Variants in KCNQ3 observed in about 807,000 individuals in gnomAD.
KCNQ3 encodes the protein potassium voltage-gated channel subfamily KQT member 3.
In KCNQ3, 30 loss-of-function variants were observed where a neutral mutation model predicts 92.5. The ratio of observed to expected loss-of-function variants is 0.32; its 90% confidence interval spans 0.24 to 0.44. The LOEUF is 0.44. Among genes scored for constraint, KCNQ3 ranks in the 20% least tolerant of loss-of-function variants. The pLI, the probability that KCNQ3 is intolerant of heterozygous loss-of-function variation, is 1.00. For synonymous variants in KCNQ3, 450 were observed against 468.8 expected, an observed-to-expected ratio of 0.96 and a Z score of 0.52; for missense variants, 913 against 1,140.3, an observed-to-expected ratio of 0.80 and a Z score of 2.87.
chr8:132,304,379 A>T (rs997569082), intron 1 of KCNQ3, among the ~76,000 whole-genome samples: 3 of 152,188 alleles, frequency 2.0e-5, no homozygotes, highest in Non-Finnish European at 4.4e-5. Context: ...GCCAGTGAGA[A>T]CTGGGTCCTT....
intron 1 of KCNQ3, among the ~76,000 whole-genome samples, chr8:132,189,770 G>A (rs1375418311): frequency 2.6e-5 from 4 of 151,084 alleles, no homozygotes; most frequent in South Asian, 2.1e-4. Flanking sequence ...AGGTTGCGGT[G>A]AGCCGAGATC....
chr8:132,214,210 A>G (rs1813953894), intron 1 of KCNQ3, among the ~76,000 whole-genome samples: 1 of 152,186 alleles, frequency 6.6e-6, no homozygotes, highest in Non-Finnish European at 1.5e-5. Context: ...AATAATTTCC[A>G]TAGGTCTTTT....
rs1818448895 is a variant in KCNQ3 at position 132,339,178 on chromosome 8, T to C, written c.386+140969A>G. Among the ~76,000 whole-genome samples the C allele has an allele frequency of 3.3e-5, 5 of 152,182 alleles. No homozygotes were observed. The South Asian group carries it at 1.0e-3, about 31-fold the overall frequency. On this transcript the variant is annotated intron_variant, in intron 1 of 14. Coordinates refer to ENST00000388996, the MANE Select transcript of KCNQ3 (RefSeq NM_004519.4). Reference sequence around the variant, plus strand: ...CTCTCTAGGCCTGAGGCACCTCCTCTGAACAAAGTGGGGGCTGGAACAGAG... The same window carrying C: ...CTCTCTAGGCCTGAGGCACCTCCTCCGAACAAAGTGGGGGCTGGAACAGAG...
chr8:132,306,925 A>G (rs1817444556), intron 1 of KCNQ3, among the ~76,000 whole-genome samples: 1 of 152,298 alleles, frequency 6.6e-6, no homozygotes, highest in Non-Finnish European at 1.5e-5. Context: ...CCAGATGGGA[A>G]CAGACCAAGA....
chr8:132,414,634 C>A (rs1820745638), intron 1 of KCNQ3, among the ~76,000 whole-genome samples: 3 of 152,198 alleles, frequency 2.0e-5, no homozygotes, highest in Non-Finnish European at 4.4e-5. Flanking sequence ...GAGCTTAACA[C>A]TTGATACAAT....
intron 1 of KCNQ3, among the ~76,000 whole-genome samples, chr8:132,437,679 T>A (rs1442670062): frequency 6.6e-6 from 1 of 152,224 alleles, no homozygotes; most frequent in African/African-American, 2.4e-5. Flanking sequence ...GAGCATCCTG[T>A]ATTCTCATGC....
At chr8:132,386,544 C>T (rs1819895679) in intron 1 of KCNQ3, among the ~76,000 whole-genome samples, 1 of 152,004 alleles carries the variant, frequency 6.6e-6, no homozygotes, top group East Asian at 1.9e-4. Context: ...CAAAAAAAAT[C>T]TTGAGGGATA....
rs1824775778 is a variant in KCNQ3 at position 132,129,348 on chromosome 8, A to T, written c.2533T>A (p.Phe845Ile). 1 of 1,614,208 alleles carries T rather than the reference A, an allele frequency of 6.2e-7. No individual in the cohort carries two copies. The highest frequency in any genetic ancestry group is 8.5e-7 in the Non-Finnish European group (1 of 1,180,030). ...AGAGGCATGGAGCCGCTGGGCGTGAAGGGGTCCGTGTCTGTGTCCGTCTCA... is the reference window on the plus strand; with the variant it reads ...AGAGGCATGGAGCCGCTGGGCGTGATGGGGTCCGTGTCTGTGTCCGTCTCA... The part of the protein sequence containing the change: ...EGETDTDTDP[F>I]TPSGSMPLSS... Residue 845 changes from phenylalanine to isoleucine, a missense_variant, in exon 15 of 15, where the codon TTC (phenylalanine) becomes ATC (isoleucine). Phe to Ile is a conservative substitution (Grantham distance 21). This residue lies in a region of KCNQ3 where 375 missense variants were observed against 376.4 expected (regional missense o/e 1.00). Coordinates refer to ENST00000388996, the MANE Select transcript of KCNQ3 (RefSeq NM_004519.4). The surrounding 1 kb of genome is among the most constrained non-coding windows in gnomAD (Gnocchi z 5.9).
chr8:132,427,201 G>A (rs1400423987), intron 1 of KCNQ3, among the ~76,000 whole-genome samples: 5 of 152,236 alleles, frequency 3.3e-5, no homozygotes, highest in Non-Finnish European at 5.9e-5. Context: ...TGTGGGCCAA[G>A]ACAGCAGGCT....
intron 1 of KCNQ3, among the ~76,000 whole-genome samples, chr8:132,458,289 T>C (rs1306435044): frequency 2.0e-5 from 3 of 152,200 alleles, no homozygotes; most frequent in African/African-American, 7.2e-5. Context: ...AATAAACACC[T>C]TCCCATCATA....
intron 1 of KCNQ3, among the ~76,000 whole-genome samples, chr8:132,231,797 A>C (rs375115609): frequency 6.6e-6 from 1 of 152,238 alleles, no homozygotes; most frequent in African/African-American, 2.4e-5. Context: ...CATGCTTTGC[A>C]TGATGGCTCT....
chr8:132,453,859 T>C (rs72721085), intron 1 of KCNQ3, among the ~76,000 whole-genome samples: 1 of 152,158 alleles, frequency 6.6e-6, no homozygotes, highest in South Asian at 2.1e-4. Flanking sequence ...AGCAAGCGCC[T>C]GCCAGAAGCG....
intron 8 of KCNQ3, among the ~76,000 whole-genome samples, chr8:132,165,599 G>A (rs1006662739): frequency 2.6e-5 from 4 of 152,136 alleles, no homozygotes; most frequent in African/African-American, 9.7e-5. Context: ...ATTTTACTCA[G>A]TTTGACCATC....
intron 2 of KCNQ3, 53 bp from the exon 3 acceptor site, chr8:132,184,420 G>A (rs565699519): frequency 1.2e-6 from 2 of 1,607,502 alleles, no homozygotes; most frequent in South Asian, 2.2e-5. Flanking sequence ...CCACTTGTCG[G>A]GAGCTGGTGA....
At chr8:132,356,132 A>G (rs1819012022) in intron 1 of KCNQ3, among the ~76,000 whole-genome samples, 3 of 152,342 alleles carry the variant, frequency 2.0e-5, no homozygotes, top group East Asian at 1.9e-4. Context: ...GACTCTCAGC[A>G]CAGAGCCAGG....
intron 1 of KCNQ3, among the ~76,000 whole-genome samples, chr8:132,259,393 T>C (rs1815698181): frequency 6.6e-6 from 1 of 152,006 alleles, no homozygotes; most frequent in South Asian, 2.1e-4. Context: ...ATAAGAAACA[T>C]AAAACCTCCT....
At chr8:132,196,645 A>G (rs1035433247) in intron 1 of KCNQ3, among the ~76,000 whole-genome samples, 2 of 152,198 alleles carry the variant, frequency 1.3e-5, no homozygotes, top group Non-Finnish European at 2.9e-5. Flanking sequence ...AGGAGCTTGG[A>G]GAAGTTCTTT....
At chr8:132,390,029 C>T (rs1228781707) in intron 1 of KCNQ3, among the ~76,000 whole-genome samples, 1 of 152,134 alleles carries the variant, frequency 6.6e-6, no homozygotes, top group East Asian at 1.9e-4. Flanking sequence ...CCTAAATATC[C>T]ATCGACTGCC....
intron 1 of KCNQ3, among the ~76,000 whole-genome samples, chr8:132,439,630 G>C (rs1821483737): frequency 6.6e-6 from 1 of 151,978 alleles, no homozygotes; most frequent in African/African-American, 2.4e-5. Context: ...AGCAGAGGAG[G>C]GGGCAGAGAG....
Sources: allele counts gnomAD v4.1 joint callset (sites outside exome capture counted in the v4.1 genomes callset), GRCh38; gene constraint gnomAD v4.1.1; regional missense constraint gnomAD v4.1.1; non-coding constraint Gnocchi (gnomAD v3.1); transcripts MANE v1.5; gene names NCBI Gene and HGNC (gene_info 2026-07-23, HGNC 2026-07-21).